The following AKAP13 variants were observed in gnomAD, a reference collection of about 807,000 sequenced individuals.
AKAP13 encodes the protein A-kinase anchor protein 13.
Under a neutral mutation model 264.5 loss-of-function variants are expected in AKAP13, and 80 were observed. That is an observed-to-expected ratio of 0.30 (90% CI 0.25 to 0.36). The LOEUF is 0.36. Among genes scored for constraint, AKAP13 ranks in the 10% least tolerant of loss-of-function variants. AKAP13 has a pLI of 1.00. For synonymous variants in AKAP13, 1,380 were observed against 1,250.2 expected, an observed-to-expected ratio of 1.10 and a Z score of -2.19; for missense variants, 3,712 against 3,435.2, an observed-to-expected ratio of 1.08 and a Z score of -2.01.
chr15:85,722,687 C>G (rs1278051181), intron 25 of AKAP13, among the ~76,000 whole-genome samples: 1 of 151,924 alleles, frequency 6.6e-6, no homozygotes. Context: ...TTACTGGTTT[C>G]TCTCTCTTGG....
chr15:85,653,505 T>C (rs950432210), intron 10 of AKAP13, among the ~76,000 whole-genome samples: 5 of 152,190 alleles, frequency 3.3e-5, no homozygotes, highest in Admixed American at 3.3e-4. Flanking sequence ...CTTATTAGCT[T>C]ATGAGATCAA....
At chr15:85,632,963 T>G (rs2081910009) in intron 8 of AKAP13, among the ~76,000 whole-genome samples, 1 of 152,152 alleles carries the variant, frequency 6.6e-6, no homozygotes, top group Non-Finnish European at 1.5e-5. Context: ...ACTCCATGGT[T>G]CAAGCGATTC....
At chr15:85,598,512 G>A (rs923891057) in intron 8 of AKAP13, among the ~76,000 whole-genome samples, 1 of 152,202 alleles carries the variant, frequency 6.6e-6, no homozygotes, top group Admixed American at 6.5e-5. Flanking sequence ...GATTCCAACG[G>A]TAAATTATGC....
chr15:85,458,138 CAAA>C (rs368519731), intron 1 of AKAP13, among the ~76,000 whole-genome samples: 3 of 110,666 alleles, frequency 2.7e-5, no homozygotes, highest in African/African-American at 2.9e-5. Context: ...GACTCCATCT[CAAA>C]AAAAAAAAAA....
intron 1 of AKAP13, among the ~76,000 whole-genome samples, chr15:85,455,529 A>G (rs530317867): frequency 1.3e-5 from 2 of 152,166 alleles, no homozygotes; most frequent in South Asian, 2.1e-4. Context: ...TGACGTCTCA[A>G]CTCACATTTC....
At chr15:85,506,865 T>C (rs1214992700) in intron 2 of AKAP13, among the ~76,000 whole-genome samples, 2 of 152,228 alleles carry the variant, frequency 1.3e-5, no homozygotes, top group Non-Finnish European at 2.9e-5. Context: ...TTTATGCCCA[T>C]GTTCCCTATG....
intron 5 of AKAP13, among the ~76,000 whole-genome samples, chr15:85,562,575 ATAT>A (rs1481377701): frequency 0.21 from 20,886 of 101,112 alleles, 3,548 homozygotes; most frequent in South Asian, 0.34. Context: ...AAAAAAAAAA[ATAT>A]ATATATATAT....
intron 3 of AKAP13, among the ~76,000 whole-genome samples, chr15:85,531,408 G>A (rs2077238262): frequency 1.3e-5 from 2 of 152,180 alleles, no homozygotes; most frequent in Non-Finnish European, 2.9e-5. Flanking sequence ...TCTGATCATA[G>A]TGCCTGGACT....
intron 2 of AKAP13, among the ~76,000 whole-genome samples, chr15:85,496,592 A>G (rs1195841829): frequency 6.6e-6 from 1 of 152,196 alleles, no homozygotes; most frequent in Non-Finnish European, 1.5e-5. Context: ...AGGGAAGACT[A>G]ATTTGGTAAT....
intron 2 of AKAP13, among the ~76,000 whole-genome samples, chr15:85,512,896 G>A (rs573379923): frequency 9.3e-4 from 141 of 152,058 alleles, no homozygotes; most frequent in African/African-American, 3.3e-3. Context: ...TCGCTCTGTA[G>A]CCCAGGCTGG....
At chr15:85,589,595 A>G (rs866798546) in intron 8 of AKAP13, among the ~76,000 whole-genome samples, 28,874 of 143,672 alleles carry the variant, frequency 0.2, 3,756 homozygotes, top group Middle Eastern at 0.4. Context: ...GTCTCCACTA[A>G]AAAAAAAAAA....
At chr15:85,399,535 A>AAATAAATAAAT (rs1555425298) in intron 1 of AKAP13, among the ~76,000 whole-genome samples, 5 of 105,602 alleles carry the variant, frequency 4.7e-5, no homozygotes, top group African/African-American at 1.6e-4. Context: ...AAAAAATAAA[A>AAATAAATAAAT]AAATAAATAA....
At chr15:85,714,743 C>T (rs1257653570) in intron 19 of AKAP13, among the ~76,000 whole-genome samples, 1 of 152,112 alleles carries the variant, frequency 6.6e-6, no homozygotes, top group Non-Finnish European at 1.5e-5. Context: ...CCGAGGCGGG[C>T]AGATCATGAG....
intron 1 of AKAP13, among the ~76,000 whole-genome samples, chr15:85,405,424 T>C (rs778214350): frequency 1.3e-5 from 2 of 152,228 alleles, no homozygotes; most frequent in Non-Finnish European, 2.9e-5. Flanking sequence ...GATTTTACTA[T>C]GGACCGGGTA....
At chr15:85,399,757 A>T (rs1175789851) in intron 1 of AKAP13, among the ~76,000 whole-genome samples, 1 of 151,950 alleles carries the variant, frequency 6.6e-6, no homozygotes, top group Non-Finnish European at 1.5e-5. Flanking sequence ...AAAGTCACTG[A>T]TATCATGTTC....
chr15:85,540,927 C>G (rs942971191), intron 4 of AKAP13, among the ~76,000 whole-genome samples: 5 of 152,160 alleles, frequency 3.3e-5, no homozygotes, highest in Non-Finnish European at 7.4e-5. Context: ...ATCGAAGAAG[C>G]CTTACACAAG....
At chr15:85,578,907 A>G (rs1019436756) in intron 6 of AKAP13, 23 bp from the exon 7 acceptor site, 1 of 1,593,442 alleles carries the variant, frequency 6.3e-7, no homozygotes, top group Non-Finnish European at 8.6e-7. Context: ...AGTTTTTTAA[A>G]AGTGTATTTC....
chr15:85,630,247 A>ACACACACC (rs2081686706), intron 8 of AKAP13, among the ~76,000 whole-genome samples: 1 of 150,608 alleles, frequency 6.6e-6, no homozygotes, highest in African/African-American at 2.4e-5. Flanking sequence ...ACACACACAC[A>ACACACACC]CACACACACA....
At chr15:85,636,194 T>C (rs1191426695) in intron 8 of AKAP13, among the ~76,000 whole-genome samples, 1 of 152,246 alleles carries the variant, frequency 6.6e-6, no homozygotes, top group Admixed American at 6.5e-5. Flanking sequence ...GTATTGCTTT[T>C]ACTTTTAATT....
Sources: allele counts gnomAD v4.1 joint callset (sites outside exome capture counted in the v4.1 genomes callset), GRCh38; gene constraint gnomAD v4.1.1; transcripts MANE v1.5; gene names NCBI Gene and HGNC (gene_info 2026-07-23, HGNC 2026-07-21).